PAPPA2: variants seen among roughly 807,000 people sequenced by gnomAD.
PAPPA2 encodes pappalysin-2.
In PAPPA2, 86 loss-of-function variants were observed where a neutral mutation model predicts 176.4. That is an observed-to-expected ratio of 0.49 (90% CI 0.41 to 0.58). PAPPA2 has a LOEUF of 0.58. Among genes scored for constraint, PAPPA2 ranks in the 20% least tolerant of loss-of-function variants. The pLI is 0.00. For synonymous variants in PAPPA2, 809 were observed against 852.2 expected, an observed-to-expected ratio of 0.95 and a Z score of 0.88; for missense variants, 2,073 against 2,256.9, an observed-to-expected ratio of 0.92 and a Z score of 1.65.
At chr1:176,697,366 T>G (rs1458103849) in intron 7 of PAPPA2, among the ~76,000 whole-genome samples, 5 of 152,168 alleles carry the variant, frequency 3.3e-5, no homozygotes, top group Non-Finnish European at 7.4e-5. Context: ...GAGAAGTTTT[T>G]GGGACTGTTA....
intron 4 of PAPPA2, among the ~76,000 whole-genome samples, chr1:176,685,490 T>G (rs1355345076): frequency 6.6e-6 from 1 of 152,232 alleles, no homozygotes; most frequent in Non-Finnish European, 1.5e-5. Context: ...CTGACCTATG[T>G]AACTGGAAGA....
At chr1:176,703,240 A>G (rs752096243) in intron 9 of PAPPA2, among the ~76,000 whole-genome samples, 1 of 152,224 alleles carries the variant, frequency 6.6e-6, no homozygotes, top group Non-Finnish European at 1.5e-5. Context: ...AGAACTGATA[A>G]CAATATAATT....
rs564000746 is a variant in PAPPA2 at position 176,491,353 on chromosome 1, T to C, written c.-917+27935T>C. 4.6e-5 allele frequency among the ~76,000 whole-genome samples: 7 copies of C among 152,120 alleles called. No individual in the cohort carries two copies. The South Asian group carries it at 1.5e-3, about 32-fold the overall frequency. On this transcript the variant is annotated intron_variant, in intron 1 of 22. Transcript: ENST00000367662. ...AAAATTAGTTTCATTTGGAGAGGAG[T>C]TGGGAGCTGTCTTCATAGATGAGGT...
chr1:176,803,916 G>A (rs1348172628), intron 21 of PAPPA2, among the ~76,000 whole-genome samples: 1 of 152,116 alleles, frequency 6.6e-6, no homozygotes, highest in Non-Finnish European at 1.5e-5. Context: ...TCTAAAAAAT[G>A]CTTGGGCTTT....
intron 2 of PAPPA2, among the ~76,000 whole-genome samples, chr1:176,558,909 G>A (rs1354681483): frequency 6.6e-6 from 1 of 152,148 alleles, no homozygotes; most frequent in Non-Finnish European, 1.5e-5. Context: ...GAGTCTATGT[G>A]GGTGGCTCTA....
intron 12 of PAPPA2, among the ~76,000 whole-genome samples, chr1:176,720,346 T>C (rs1192422112): frequency 6.6e-6 from 1 of 152,130 alleles, no homozygotes; most frequent in African/African-American, 2.4e-5. Flanking sequence ...TAACTTTTCT[T>C]TGTAATCATA....
chr1:176,474,953 AC>A (rs1461288933), intron 1 of PAPPA2, among the ~76,000 whole-genome samples: 1 of 152,236 alleles, frequency 6.6e-6, no homozygotes, highest in Non-Finnish European at 1.5e-5. Context: ...CAGTGTGAAT[AC>A]ATCTTTATAA....
intron 4 of PAPPA2, among the ~76,000 whole-genome samples, chr1:176,678,464 A>G (rs1659418320): frequency 6.6e-6 from 1 of 151,386 alleles, no homozygotes; most frequent in Admixed American, 6.6e-5. Context: ...GAAAGTTTTT[A>G]TTGTTCTTGC....
intron 21 of PAPPA2, among the ~76,000 whole-genome samples, chr1:176,828,530 TATGAGAAAGGGAGAAGCA>T (rs1666946533): frequency 2.6e-5 from 4 of 151,392 alleles, no homozygotes; most frequent in Admixed American, 2.6e-4. Flanking sequence ...GTATAATACA[TATGAGAAAGGGAGAAGCA>T]TATATATGTA....
intron 6 of PAPPA2, among the ~76,000 whole-genome samples, chr1:176,695,326 T>C (rs1660325396): frequency 6.6e-6 from 1 of 152,196 alleles, no homozygotes; most frequent in Non-Finnish European, 1.5e-5. Context: ...ATATGGCTAA[T>C]AAGTTTATGT....
chr1:176,683,144 T>G (rs756873018), intron 4 of PAPPA2, among the ~76,000 whole-genome samples: 3 of 152,046 alleles, frequency 2.0e-5, no homozygotes, highest in Non-Finnish European at 4.4e-5. Flanking sequence ...AGTAGGAACT[T>G]AGAAATATAG....
At chr1:176,467,508 A>G (rs1651680602) in intron 1 of PAPPA2, among the ~76,000 whole-genome samples, 1 of 152,184 alleles carries the variant, frequency 6.6e-6, no homozygotes, top group South Asian at 2.1e-4. Context: ...GGAAGACTCT[A>G]TGTAACAAGG....
chr1:176,784,839 G>A (rs1390125012), intron 17 of PAPPA2, among the ~76,000 whole-genome samples: 1 of 152,074 alleles, frequency 6.6e-6, no homozygotes, highest in Non-Finnish European at 1.5e-5. Context: ...ACCCACCTTG[G>A]CCTCCCAAAG....
chr1:176,784,934 G>A (rs1404809905), intron 17 of PAPPA2, among the ~76,000 whole-genome samples: 1 of 152,118 alleles, frequency 6.6e-6, no homozygotes, highest in South Asian at 2.1e-4. Context: ...CACAGAGAGG[G>A]CAAGCTCTTA....
At chr1:176,479,673 T>A (rs1480235462) in intron 1 of PAPPA2, among the ~76,000 whole-genome samples, 1 of 152,230 alleles carries the variant, frequency 6.6e-6, no homozygotes. Context: ...TGTTAATTCC[T>A]TGCACTTTTC....
intron 3 of PAPPA2, among the ~76,000 whole-genome samples, chr1:176,629,050 C>G (rs1012874732): frequency 1.3e-5 from 2 of 152,164 alleles, no homozygotes; most frequent in African/African-American, 4.8e-5. Context: ...AGTATTTTCT[C>G]AGAGAGAGAC....
At chr1:176,643,901 A>G (rs1198142309) in intron 3 of PAPPA2, among the ~76,000 whole-genome samples, 1 of 151,798 alleles carries the variant, frequency 6.6e-6, no homozygotes, top group Non-Finnish European at 1.5e-5. Flanking sequence ...GAGTGGATGA[A>G]GGAGGTATCT....
At chr1:176,833,066 C>A (rs974303325) in intron 21 of PAPPA2, among the ~76,000 whole-genome samples, 3 of 152,148 alleles carry the variant, frequency 2.0e-5, no homozygotes, top group Non-Finnish European at 4.4e-5. Context: ...GACGCGCAGT[C>A]GGCATTCCTC....
chr1:176,818,331 G>A (rs897285873), intron 21 of PAPPA2, among the ~76,000 whole-genome samples: 1 of 152,134 alleles, frequency 6.6e-6, no homozygotes, highest in South Asian at 2.1e-4. Flanking sequence ...CAAGTGAGAA[G>A]GGAGTAACAA....
Sources: gnomAD v4.1 joint callset for allele counts (sites outside exome capture counted in the v4.1 genomes callset) on GRCh38, gnomAD v4.1.1 for gene constraint, MANE v1.5 for transcripts, NCBI Gene and HGNC (gene_info 2026-07-23, HGNC 2026-07-21) for gene names.